MYO3B: variants seen among roughly 807,000 people sequenced by gnomAD.
The protein encoded by MYO3B is myosin IIIB.
In MYO3B, 156 loss-of-function variants were observed where a neutral mutation model predicts 174.6. The ratio of observed to expected loss-of-function variants is 0.89; its 90% CI spans 0.78 to 1.02. MYO3B has a LOEUF of 1.02. Ranked by LOEUF, MYO3B falls within the 50% of genes least tolerant of loss-of-function variation. MYO3B has a pLI of 0.00. For synonymous variants in MYO3B, 563 were observed against 569.1 expected (o/e 0.99, Z 0.15); for missense variants, 1,632 against 1,639.4 (o/e 1.00, Z 0.08).
At chr2:170,479,543 A>G (rs1310425663) in intron 25 of MYO3B, among the ~76,000 whole-genome samples, 1 of 146,078 alleles carries the variant, frequency 6.8e-6, no homozygotes, top group East Asian at 2.0e-4. Flanking sequence ...TGTATTTTAT[A>G]TATATTTTAT....
At chr2:170,470,127 A>G (rs11695934) in intron 25 of MYO3B, among the ~76,000 whole-genome samples, 26,518 of 141,802 alleles carry the variant, frequency 0.19, 2,941 homozygotes, top group Middle Eastern at 0.3. Context: ...AAAAAAAAAA[A>G]AAAGAAGGAA....
intron 1 of MYO3B, among the ~76,000 whole-genome samples, chr2:170,197,175 C>G (rs1235098270): frequency 6.6e-6 from 1 of 152,090 alleles, no homozygotes; most frequent in Non-Finnish European, 1.5e-5. Flanking sequence ...TGCCCAGTGC[C>G]TCGCCACTCC....
Position 170,431,953 on chromosome 2 carries a change from C to T in MYO3B, c.2651-12014C>T, listed in dbSNP as rs369724486. Among the ~76,000 whole-genome samples, 373 of 152,304 alleles carry T rather than the reference C, an allele frequency of 2.4e-3. 1 individual carries two copies. The highest frequency in any genetic ancestry group is 8.6e-3 in the African/African-American group (359 of 41,568). ...TCCTATTGCCTAGTGATGTCCTAGC[C>T]TTTGCAATGCATTACTCAGGTGTTT... On this transcript the variant is annotated intron_variant, in intron 22 of 34. Transcript: ENST00000408978.
At chr2:170,498,011 T>G (rs555578161) in intron 25 of MYO3B, among the ~76,000 whole-genome samples, 1 of 150,892 alleles carries the variant, frequency 6.6e-6, no homozygotes, top group Non-Finnish European at 1.5e-5. Flanking sequence ...TCTGAAACTC[T>G]TTAATCTGAA....
intron 1 of MYO3B, among the ~76,000 whole-genome samples, chr2:170,185,732 G>A (rs1313952647): frequency 6.6e-6 from 1 of 152,090 alleles, no homozygotes; most frequent in African/African-American, 2.4e-5. Flanking sequence ...ATTGCTTTGG[G>A]TAGTATGGAC....
intron 26 of MYO3B, among the ~76,000 whole-genome samples, 189 bp downstream of exon 26, chr2:170,498,892 C>G (rs1481747915): frequency 6.6e-6 from 1 of 152,166 alleles, no homozygotes; most frequent in Non-Finnish European, 1.5e-5. Context: ...GGTTTGCCTC[C>G]TGTTCTGTAT....
At chr2:170,382,826 T>A (rs2094345390) in intron 10 of MYO3B, 1 of 321,792 alleles carries the variant, frequency 3.1e-6, no homozygotes, top group Admixed American at 4.4e-5. Context: ...TTGTTGGATA[T>A]CTCAGTGTCT....
intron 25 of MYO3B, among the ~76,000 whole-genome samples, chr2:170,490,482 T>C (rs1686398592): frequency 6.6e-6 from 1 of 152,204 alleles, no homozygotes; most frequent in Admixed American, 6.5e-5. Context: ...AATTGTGTCA[T>C]CTTCAAATTA....
intron 1 of MYO3B, among the ~76,000 whole-genome samples, chr2:170,188,481 G>A (rs1329623440): frequency 3.3e-5 from 5 of 152,030 alleles, no homozygotes; most frequent in African/African-American, 1.2e-4. Context: ...TATTGATAAG[G>A]ACTTAATTCT....
At position 170,392,122 on chromosome 2, in the gene MYO3B, CAAA is replaced by C. The variant is rs35100967; in HGVS notation, c.1677-240_1677-238del. Among the ~76,000 whole-genome samples the C allele has an allele frequency of 2.9e-3, 314 of 106,544 alleles. 1 individual carries two copies. The highest frequency in any genetic ancestry group is 8.7e-3 in the African/African-American group (246 of 28,260). The allele number at this position is 106,544 out of a possible 152,430, so 69.9% of individuals were successfully genotyped here. On this transcript the variant is annotated intron_variant, in intron 15 of 34. Coordinates refer to ENST00000408978, the MANE Select transcript of MYO3B (RefSeq NM_138995.5). ...TGGGTGACAGAGCAAGACCCTGTCT[CAAA>C]AAAAAAAAAAAAAAAAAATTAGCTG...
chr2:170,548,127 A>G (rs972329621), intron 32 of MYO3B, among the ~76,000 whole-genome samples: 1 of 149,256 alleles, frequency 6.7e-6, no homozygotes, highest in Non-Finnish European at 1.5e-5. Context: ...AAAAAAAAAA[A>G]AAAAAAAAGA....
chr2:170,605,752 C>A (rs62168212), intron 32 of MYO3B, among the ~76,000 whole-genome samples: 1 of 151,946 alleles, frequency 6.6e-6, no homozygotes, highest in Non-Finnish European at 1.5e-5. Flanking sequence ...CCCAGCTACT[C>A]GGGAGGTTGA....
At chr2:170,353,582 T>C (rs2094095211) in intron 8 of MYO3B, among the ~76,000 whole-genome samples, 1 of 152,140 alleles carries the variant, frequency 6.6e-6, no homozygotes, top group South Asian at 2.1e-4. Context: ...TTACGATGTG[T>C]CAGTATGAGT....
At chr2:170,296,110 G>C (rs1279673530) in intron 7 of MYO3B, among the ~76,000 whole-genome samples, 1 of 152,182 alleles carries the variant, frequency 6.6e-6, no homozygotes, top group Non-Finnish European at 1.5e-5. Context: ...TTGTAATAGG[G>C]CTTTCAAAGG....
chr2:170,246,804 G>C (rs1460744555), intron 7 of MYO3B, among the ~76,000 whole-genome samples: 1 of 152,124 alleles, frequency 6.6e-6, no homozygotes, highest in Non-Finnish European at 1.5e-5. Context: ...GGAGTCCATT[G>C]CTCCTAGTAG....
intron 7 of MYO3B, among the ~76,000 whole-genome samples, chr2:170,264,053 C>T (rs543418423): frequency 6.6e-6 from 1 of 152,304 alleles, no homozygotes; most frequent in East Asian, 1.9e-4. Flanking sequence ...TGCCTTCAAG[C>T]ACTTGTTTAA....
intron 22 of MYO3B, among the ~76,000 whole-genome samples, chr2:170,424,336 A>G (rs188901665): frequency 6.6e-6 from 1 of 152,240 alleles, no homozygotes; most frequent in Admixed American, 6.5e-5. Context: ...AAGAAAAACT[A>G]GGCCAGGCAC....
At chr2:170,360,976 C>T (rs575555329) in intron 8 of MYO3B, among the ~76,000 whole-genome samples, 3 of 152,198 alleles carry the variant, frequency 2.0e-5, no homozygotes, top group African/African-American at 7.2e-5. Context: ...TCTGATAGAG[C>T]AGTGCAAAAT....
chr2:170,383,304 C>T (rs2094349388), intron 11 of MYO3B, 115 bp downstream of exon 11: 1 of 677,374 alleles, frequency 1.5e-6, no homozygotes, highest in Non-Finnish European at 2.6e-6. Flanking sequence ...TGTATATACT[C>T]CAAACTGCAG....
Sources: allele counts gnomAD v4.1 joint callset (sites outside exome capture counted in the v4.1 genomes callset), GRCh38; gene constraint gnomAD v4.1.1; transcripts MANE v1.5; gene names NCBI Gene and HGNC (gene_info 2026-07-23, HGNC 2026-07-21).